Variants in TMEM74 observed in about 807,000 individuals in gnomAD.
TMEM74 encodes the protein transmembrane protein 74.
TMEM74 carries 13 observed loss-of-function variants against 18.1 expected under a neutral mutation model. The observed-to-expected ratio is 0.72, with a 90% CI of 0.47 to 1.14. The LOEUF is 1.14. TMEM74 is among the 50% of genes most tolerant of loss of function. TMEM74 has a pLI of 0.00. For synonymous variants in TMEM74, 159 were observed against 146.6 expected, an observed-to-expected ratio of 1.08 and a Z score of -0.61; for missense variants, 372 against 375.9, an observed-to-expected ratio of 0.99 and a Z score of 0.09.
chr8:108,777,011 A>G (rs1434791631), downstream of TMEM74, among the ~76,000 whole-genome samples: 1 of 152,160 alleles, frequency 6.6e-6, no homozygotes, highest in Non-Finnish European at 1.5e-5. Flanking sequence ...CACTCAAGAT[A>G]ATGGTAGCTG....
At chr8:108,621,483 C>T (rs939958046) in intron 2 of TMEM74, among the ~76,000 whole-genome samples, 10 of 152,112 alleles carry the variant, frequency 6.6e-5, no homozygotes, top group Non-Finnish European at 1.3e-4. Flanking sequence ...TGGGAAGTTG[C>T]CCATTTTTTT....
intron 2 of TMEM74, among the ~76,000 whole-genome samples, chr8:108,646,534 A>C (rs1202276377): frequency 1.3e-5 from 2 of 152,128 alleles, no homozygotes; most frequent in Non-Finnish European, 2.9e-5. Flanking sequence ...CCAAATAGAC[A>C]AGAATATGCC....
chr8:108,664,119 G>A (rs185025120), intron 1 of TMEM74, among the ~76,000 whole-genome samples: 48 of 152,174 alleles, frequency 3.2e-4, no homozygotes, highest in African/African-American at 1.1e-3. Flanking sequence ...CTTAAAAGTT[G>A]AAGAAAAGAT....
intron 1 of TMEM74, among the ~76,000 whole-genome samples, chr8:108,687,510 C>T (rs1813183120): frequency 6.6e-6 from 1 of 152,038 alleles, no homozygotes; most frequent in Non-Finnish European, 1.5e-5. Context: ...GCACATTACG[C>T]TCGTTGTTCA....
intron 2 of TMEM74, among the ~76,000 whole-genome samples, chr8:108,640,115 C>CTTTTTTTTTT (rs35455409): frequency 2.5e-5 from 2 of 78,904 alleles, no homozygotes; most frequent in Non-Finnish European, 4.5e-5. Flanking sequence ...ATAGTAATCA[C>CTTTTTTTTTT]TTTTTTTTTT....
chr8:108,654,890 G>C (rs979611497), intron 2 of TMEM74, among the ~76,000 whole-genome samples: 4 of 151,878 alleles, frequency 2.6e-5, no homozygotes, highest in African/African-American at 9.7e-5. Flanking sequence ...TAGTTCCATC[G>C]TATACTGTAT....
chr8:108,658,364 G>T (rs1484937220), intron 1 of TMEM74, among the ~76,000 whole-genome samples: 2 of 151,956 alleles, frequency 1.3e-5, no homozygotes, highest in Non-Finnish European at 2.9e-5. Flanking sequence ...TATTATATTT[G>T]CTTTCTTTTA....
At chr8:108,705,740 C>T (rs1040475771) in intron 1 of TMEM74, among the ~76,000 whole-genome samples, 1 of 152,106 alleles carries the variant, frequency 6.6e-6, no homozygotes, top group African/African-American at 2.4e-5. Context: ...ATATACATAA[C>T]ACACATGAGT....
intron 1 of TMEM74, among the ~76,000 whole-genome samples, chr8:108,663,409 A>T (rs191096704): frequency 6.6e-6 from 1 of 152,194 alleles, no homozygotes; most frequent in African/African-American, 2.4e-5. Context: ...AACCACAATG[A>T]AACACCATCT....
At chr8:108,652,832 A>T (rs1003875697) in intron 2 of TMEM74, 3 of 532,762 alleles carry the variant, frequency 5.6e-6, no homozygotes, top group Non-Finnish European at 1.1e-5. Flanking sequence ...CTGGACAGAT[A>T]TGAAGGTTGT....
chr8:108,612,513 T>C (rs1812343745), intron 2 of TMEM74, among the ~76,000 whole-genome samples: 1 of 152,200 alleles, frequency 6.6e-6, no homozygotes. Context: ...TCAAATCTAG[T>C]TTATCTCACT....
At chr8:108,711,850 G>A (rs980076523) in intron 1 of TMEM74, among the ~76,000 whole-genome samples, 1 of 152,156 alleles carries the variant, frequency 6.6e-6, no homozygotes, top group Non-Finnish European at 1.5e-5. Flanking sequence ...GCCATTATAA[G>A]AAATGTGCCC....
At chr8:108,632,076 T>G (rs553556315) in intron 2 of TMEM74, among the ~76,000 whole-genome samples, 2 of 152,060 alleles carry the variant, frequency 1.3e-5, no homozygotes, top group Non-Finnish European at 2.9e-5. Flanking sequence ...CAGTAGAGAT[T>G]AATAGTTACA....
chr8:108,643,223 G>T (rs1031499339), intron 2 of TMEM74, among the ~76,000 whole-genome samples: 5 of 152,146 alleles, frequency 3.3e-5, no homozygotes, highest in African/African-American at 1.2e-4. Flanking sequence ...AACACAGATT[G>T]CTGTACCCAA....
intron 1 of TMEM74, among the ~76,000 whole-genome samples, chr8:108,680,765 C>G (rs1370330642): frequency 6.6e-6 from 1 of 152,144 alleles, no homozygotes; most frequent in Non-Finnish European, 1.5e-5. Flanking sequence ...ATCTAGAAAA[C>G]CCCATCGTCT....
At chr8:108,770,231 C>A (rs1406259746) in intron 1 of TMEM74, among the ~76,000 whole-genome samples, 1 of 151,976 alleles carries the variant, frequency 6.6e-6, no homozygotes, top group Non-Finnish European at 1.5e-5. Context: ...AGAGTGGGTC[C>A]ACTGTTATAA....
intron 2 of TMEM74, among the ~76,000 whole-genome samples, chr8:108,654,044 CAG>C (rs1812798720): frequency 6.6e-6 from 1 of 152,002 alleles, no homozygotes; most frequent in Non-Finnish European, 1.5e-5. Context: ...AAAAAGCAAA[CAG>C]TGGTTGAAGG....
intron 1 of TMEM74, among the ~76,000 whole-genome samples, chr8:108,682,852 A>G (rs1813129708): frequency 6.6e-6 from 1 of 152,004 alleles, no homozygotes; most frequent in South Asian, 2.1e-4. Context: ...CTCAATAAAG[A>G]AATAAGTGGA....
intron 1 of TMEM74, among the ~76,000 whole-genome samples, chr8:108,730,742 TC>T (rs1339259958): frequency 6.6e-6 from 1 of 151,332 alleles, no homozygotes; most frequent in Non-Finnish European, 1.5e-5. Flanking sequence ...AAGCAATTCT[TC>T]TTCCTCAGCC....
Sources: gnomAD v4.1 joint callset for allele counts (sites outside exome capture counted in the v4.1 genomes callset) on GRCh38, gnomAD v4.1.1 for gene constraint, MANE v1.5 for transcripts, NCBI Gene and HGNC (gene_info 2026-07-23, HGNC 2026-07-21) for gene names.